CSRP2: variants seen among roughly 807,000 people sequenced by gnomAD.
CSRP2 encodes cysteine and glycine-rich protein 2.
Under a neutral mutation model 24.6 loss-of-function variants are expected in CSRP2, and 18 were observed. The ratio of observed to expected loss-of-function variants is 0.73; its 90% CI spans 0.51 to 1.09. The LOEUF (loss-of-function observed/expected upper bound fraction) is 1.09. Among genes scored for constraint, CSRP2 ranks in the 50% least tolerant of loss-of-function variants. The pLI is 0.00. For synonymous variants in CSRP2, 87 were observed against 84.3 expected (o/e 1.03, Z -0.18); for missense variants, 215 against 239.4 (o/e 0.90, Z 0.67).
At chr12:76,860,731 C>T (rs10735466) in intron 3 of CSRP2, 109,465 of 187,128 alleles carry the variant, frequency 0.58, 32,248 homozygotes, top group East Asian at 0.69. Flanking sequence ...AATTATGTTA[C>T]GGTTTATAAA....
chr12:76,869,900 T>A (rs1419587277), intron 1 of CSRP2, among the ~76,000 whole-genome samples: 1 of 152,204 alleles, frequency 6.6e-6, no homozygotes, highest in Non-Finnish European at 1.5e-5. Flanking sequence ...CCCGTGTTTG[T>A]AGTACAGTTA....
At chr12:76,859,906 A>G (rs986130855) in intron 4 of CSRP2, among the ~76,000 whole-genome samples, 1 of 152,210 alleles carries the variant, frequency 6.6e-6, no homozygotes, top group African/African-American at 2.4e-5. Flanking sequence ...CTGGCCAAGA[A>G]CAGCGCAGCT....
intron 3 of CSRP2, 199 bp downstream of exon 3, chr12:76,862,977 G>A: frequency 6.9e-7 from 1 of 1,458,462 alleles, no homozygotes; most frequent in Non-Finnish European, 9.0e-7. Context: ...GCCAGAAGTA[G>A]AAATCACTGG....
At chr12:76,874,591 A>C (rs1381007003) in intron 1 of CSRP2, among the ~76,000 whole-genome samples, 1 of 152,190 alleles carries the variant, frequency 6.6e-6, no homozygotes, top group Admixed American at 6.5e-5. Context: ...TCAGTCCGTT[A>C]GGTCAAGGGT....
intron 2 of CSRP2, chr12:76,864,459 A>C (rs1046426206): frequency 4.6e-5 from 7 of 152,166 alleles, no homozygotes; most frequent in Admixed American, 4.6e-4. Context: ...TACATTTAAA[A>C]ATAAGACAGT....
At chr12:76,873,388 A>T (rs776001440) in intron 1 of CSRP2, among the ~76,000 whole-genome samples, 4 of 152,188 alleles carry the variant, frequency 2.6e-5, no homozygotes, top group Non-Finnish European at 5.9e-5. Context: ...CCTGTTCTAC[A>T]AATTTTTTCT....
At chr12:76,860,666 CCTCT>C in intron 3 of CSRP2, 1 of 333,104 alleles carries the variant, frequency 3.0e-6, no homozygotes. Context: ...AAGATCTGTC[CCTCT>C]GAGTCTAAAC....
At chr12:76,866,084 AAT>A in intron 2 of CSRP2, 63 bp downstream of exon 2, 1 of 1,243,428 alleles carries the variant, frequency 8.0e-7, no homozygotes, top group East Asian at 2.4e-5. Context: ...TTTTTCCTTA[AAT>A]AGACATATTG....
At chr12:76,859,487 A>G in intron 5 of CSRP2, 60 bp downstream of exon 5, 1 of 1,131,802 alleles carries the variant, frequency 8.8e-7, no homozygotes, top group Non-Finnish European at 1.3e-6. Context: ...GTGACATTTC[A>G]TTAAACAAGA....
At chr12:76,866,373 T>C (rs1054963625) in intron 1 of CSRP2, 112 bp from the exon 2 acceptor site, 1 of 670,464 alleles carries the variant, frequency 1.5e-6, no homozygotes, top group East Asian at 2.8e-5. Context: ...TGAACCTCTC[T>C]AACCACATCT....
chr12:76,860,884 A>T (rs1377540263), intron 3 of CSRP2: 1 of 152,368 alleles, frequency 6.6e-6, no homozygotes, highest in African/African-American at 2.4e-5. Flanking sequence ...TCTGTAACTA[A>T]GAAATTTAAG....
At chr12:76,860,133 T>TA in intron 4 of CSRP2, 151 bp downstream of exon 4, 1 of 851,216 alleles carries the variant, frequency 1.2e-6, no homozygotes, top group Non-Finnish European at 1.7e-6. Flanking sequence ...TCAAAAAAGT[T>TA]AATGATTCTG....
chr12:76,873,118 G>T (rs73129323), intron 1 of CSRP2, among the ~76,000 whole-genome samples: 1 of 152,080 alleles, frequency 6.6e-6, no homozygotes, highest in Non-Finnish European at 1.5e-5. Context: ...TTCTATATTT[G>T]CCCAGATTCT....
chr12:76,859,019 G>A lies in CSRP2; in HGVS notation c.515C>T (p.Ala172Val). The change falls in exon 6 of 6, where the codon GCA becomes GTA. Residue 172 changes from alanine (A) to valine (V), a missense_variant. Coordinates refer to ENST00000311083, the MANE Select transcript of CSRP2 (RefSeq NM_001321.3). Reference protein sequence around the residue: ...EGEIYCKGCYAKNFGPKGFGY... With the variant: ...EGEIYCKGCYVKNFGPKGFGY... ...AAATCCCTTGGGCCCAAAGTTCTTT[G>A]CATAGCATCCTACAAAGGAAAGGGA... 1 of 1,614,144 alleles carries A rather than the reference G, an allele frequency of 6.2e-7. No homozygotes were observed. The highest frequency in any genetic ancestry group is 8.5e-7 in the Non-Finnish European group (1 of 1,179,976).
intron 1 of CSRP2, among the ~76,000 whole-genome samples, chr12:76,867,318 G>A (rs10746288): frequency 0.6 from 84,004 of 139,952 alleles, 25,063 homozygotes; most frequent in East Asian, 0.67. Flanking sequence ...GCGAAACCCC[G>A]TCTCTGCTAA....
At chr12:76,878,615 C>T (rs1458926629) in intron 1 of CSRP2, among the ~76,000 whole-genome samples, 1 of 152,258 alleles carries the variant, frequency 6.6e-6, no homozygotes, top group Non-Finnish European at 1.5e-5. Context: ...CACAACCCGC[C>T]TCTCTCCCAG....
Position 76,866,235 on chromosome 12 carries a change from T to A in CSRP2, c.26A>T (p.Lys9Met). MPVWGGGN[K>M]CGACGRTVYH... The stretch of plus-strand genomic sequence containing the variant: ...CACGGTCCTCCCACAGGCCCCACAC[T>A]TGTTTCCACCTCCCCAGACAGGCAT... Residue 9 changes from lysine (K) to methionine (M), a missense_variant, in exon 2 of 6, where the codon AAG (lysine) becomes ATG (methionine). By Grantham distance (95) the Lys-to-Met change is moderately conservative. Coordinates refer to ENST00000311083, the MANE Select transcript of CSRP2 (RefSeq NM_001321.3). 1 of 1,614,094 alleles carries A rather than the reference T, an allele frequency of 6.2e-7. No homozygotes were observed. The highest frequency in any genetic ancestry group is 8.5e-7 in the Non-Finnish European group (1 of 1,179,990).
intron 1 of CSRP2, among the ~76,000 whole-genome samples, chr12:76,872,352 G>A (rs778006879): frequency 6.6e-6 from 1 of 152,216 alleles, no homozygotes; most frequent in Non-Finnish European, 1.5e-5. Flanking sequence ...TGTGGTAGGA[G>A]TTATTACGAA....
Position 76,860,339 on chromosome 12 carries a change from C to A in CSRP2, c.356G>T (p.Cys119Phe), listed in dbSNP as rs753712264. 6.2e-7 allele frequency: 1 copy of A among 1,614,134 alleles called. No homozygotes were observed. Among genetic ancestry groups the A allele is most frequent in the Admixed American group, 1.7e-5 (1 of 60,014 alleles). The change falls in exon 4 of 6, where the codon TGT becomes TTT. Residue 119 changes from cysteine to phenylalanine, a missense_variant. Coordinates refer to ENST00000311083, the MANE Select transcript of CSRP2 (RefSeq NM_001321.3). ...FAQKYGGAEK[C>F]SRCGDSVYAA... ...ATATACAGAATCCCCACATCTGGAA[C>A]ACTTCTCAGCACCTCCATATTTCTG...
Sources: gnomAD v4.1 joint callset for allele counts (sites outside exome capture counted in the v4.1 genomes callset) on GRCh38, gnomAD v4.1.1 for gene constraint, MANE v1.5 for transcripts, NCBI Gene and HGNC (gene_info 2026-07-23, HGNC 2026-07-21) for gene names.